GABRR3: variants seen among roughly 807,000 people sequenced by gnomAD.
GABRR3 encodes the protein gamma-aminobutyric acid type A receptor subunit rho3.
A neutral mutation model predicts 43.2 loss-of-function variants in GABRR3; 29 were observed. That is an observed-to-expected ratio of 0.67 (90% CI 0.50 to 0.92). GABRR3 has a LOEUF of 0.92. Ranked by LOEUF, GABRR3 falls within the 40% of genes least tolerant of loss-of-function variation. The pLI is 0.00. For missense variants in GABRR3, 576 were observed against 572.3 expected, an observed-to-expected ratio of 1.01 and a Z score of -0.07; for synonymous variants, 206 against 195.9, an observed-to-expected ratio of 1.05 and a Z score of -0.43.
chr3:98,027,289 T>C (rs1476197248), intron 2 of GABRR3, among the ~76,000 whole-genome samples: 2 of 152,216 alleles, frequency 1.3e-5, no homozygotes, highest in Admixed American at 6.5e-5. Context: ...GTTTGGGGTA[T>C]GACAATTTGC....
chr3:98,007,267 G>T (rs1017120792), intron 7 of GABRR3, among the ~76,000 whole-genome samples: 1 of 151,976 alleles, frequency 6.6e-6, no homozygotes, highest in African/African-American at 2.4e-5. Context: ...GAGAATATTG[G>T]GGGAAAGCAC....
At position 98,025,560 on chromosome 3, in the gene GABRR3, T is replaced by A. The variant is rs1576050394; in HGVS notation, c.238+7A>T. Reference sequence around the variant, plus strand: ...TTTGAAATGAATTTTGAGAGGATAATACTCACCTCCAAATCCAGGTCTCAT... The same window carrying A: ...TTTGAAATGAATTTTGAGAGGATAAAACTCACCTCCAAATCCAGGTCTCAT... On this transcript the variant is annotated splice_region_variant and intron_variant, in intron 3 of 9. Coordinates refer to ENST00000621172, the Ensembl canonical transcript of GABRR3. The A allele has an allele frequency of 4.4e-6, 7 of 1,584,216 alleles. No individual in the cohort carries two copies. The East Asian group carries it at 1.6e-4, about 36-fold the overall frequency.
At position 98,002,550 on chromosome 3, in the gene GABRR3, A is replaced by G. The variant is rs372899956; in HGVS notation, c.755-783T>C. Among the ~76,000 whole-genome samples the G allele has an allele frequency of 1.1e-4, 17 of 152,282 alleles. 1 individual carries two copies. In the South Asian group the frequency reaches 3.5e-3, roughly 32 times the overall value. The stretch of plus-strand genomic sequence containing the variant: ...TCTTTAATGACCACATACACATACC[A>G]GGATATATATAATACCTTATCCTTG... On this transcript the variant is annotated intron_variant, in intron 7 of 9. Coordinates refer to ENST00000621172, the Ensembl canonical transcript of GABRR3.
intron 9 of GABRR3, among the ~76,000 whole-genome samples, chr3:97,990,342 C>T (rs1706447270): frequency 6.9e-6 from 1 of 145,628 alleles, no homozygotes; most frequent in Admixed American, 7.2e-5. Flanking sequence ...GCCATCAAGA[C>T]TTCTTCTTTT....
At chr3:98,010,911 C>A (rs1178967413) in intron 5 of GABRR3, among the ~76,000 whole-genome samples, 3 of 152,244 alleles carry the variant, frequency 2.0e-5, no homozygotes, top group African/African-American at 7.2e-5. Flanking sequence ...ACCAGCCTGG[C>A]AAACATGGTG....
intron 4 of GABRR3, among the ~76,000 whole-genome samples, chr3:98,015,330 C>A (rs1175869440): frequency 6.6e-6 from 1 of 152,128 alleles, no homozygotes; most frequent in African/African-American, 2.4e-5. Flanking sequence ...GTAGCTGGGA[C>A]TACAGGGATG....
At chr3:97,987,491 A>G (rs1264591627) in intron 9 of GABRR3, among the ~76,000 whole-genome samples, 5 of 152,244 alleles carry the variant, frequency 3.3e-5, no homozygotes, top group African/African-American at 1.2e-4. Flanking sequence ...GCTGTTAGTA[A>G]TTGCTCTTGG....
At chr3:97,998,212 T>G (rs559711785) in intron 8 of GABRR3, 14 of 152,352 alleles carry the variant, frequency 9.2e-5, no homozygotes, top group Non-Finnish European at 1.6e-4. Flanking sequence ...GTAATTATCC[T>G]GTGATTGTGA....
At chr3:97,990,334 C>T (rs1706447130) in intron 9 of GABRR3, among the ~76,000 whole-genome samples, 3 of 151,868 alleles carry the variant, frequency 2.0e-5, no homozygotes, top group Admixed American at 2.0e-4. Flanking sequence ...TTTGGTTTGC[C>T]ATCAAGACTT....
intron 2 of GABRR3, among the ~76,000 whole-genome samples, chr3:98,034,110 T>C (rs1707123440): frequency 6.6e-6 from 1 of 152,164 alleles, no homozygotes; most frequent in Non-Finnish European, 1.5e-5. Flanking sequence ...TTTGGAAATA[T>C]GGTGCTTGGT....
intron 7 of GABRR3, among the ~76,000 whole-genome samples, chr3:98,004,257 C>T (rs1706694490): frequency 6.6e-6 from 1 of 152,092 alleles, no homozygotes; most frequent in Non-Finnish European, 1.5e-5. Flanking sequence ...ATTTATTGAG[C>T]CTCTATTATA....
At chr3:98,001,442 A>T (rs1576039278) in intron 8 of GABRR3, 173 bp downstream of exon 8, 1 of 640,064 alleles carries the variant, frequency 1.6e-6, no homozygotes, top group Non-Finnish European at 2.7e-6. Flanking sequence ...GAAAGAACTC[A>T]ATTACAATTT....
chr3:97,991,792 C>T (rs1185353899), intron 9 of GABRR3, among the ~76,000 whole-genome samples: 4 of 152,078 alleles, frequency 2.6e-5, no homozygotes, highest in African/African-American at 7.3e-5. Flanking sequence ...GTATGAGATG[C>T]TCTCAGAAGT....
In GABRR3 at chr3:98,017,740, G is replaced by A; in HGVS notation, c.239-18C>T. On this transcript the variant is annotated intron_variant, in intron 3 of 9. Transcript: ENST00000621172. ...TGGAGACCCTTAAGAAAGAAGAATG[G>A]TTAATATGCTGAGGAATGCATTATA... The A allele has an allele frequency of 6.4e-7, 1 of 1,553,944 alleles. No homozygotes were observed. Among genetic ancestry groups the A allele is most frequent in the South Asian group, 1.1e-5 (1 of 88,206 alleles).
intron 2 of GABRR3, among the ~76,000 whole-genome samples, chr3:98,032,176 T>A (rs1198758579): frequency 2.0e-5 from 3 of 152,090 alleles, no homozygotes; most frequent in Non-Finnish European, 2.9e-5. Flanking sequence ...CTAAATAACC[T>A]CAAGAGCAAC....
intron 7 of GABRR3, among the ~76,000 whole-genome samples, chr3:98,004,672 G>A (rs549252442): frequency 8.7e-5 from 13 of 148,686 alleles, no homozygotes; most frequent in South Asian, 4.2e-4. Flanking sequence ...TAGTGGTGAA[G>A]GCCAAGAAAA....
exon 3 of GABRR3, chr3:98,025,582 T>C: frequency 6.2e-7 from 1 of 1,609,948 alleles, no homozygotes; most frequent in Non-Finnish European, 8.5e-7. Flanking sequence ...AATCCAGGTC[T>C]CATTGCGAAA....
intron 8 of GABRR3, among the ~76,000 whole-genome samples, chr3:97,993,725 C>T (rs1441413464): frequency 6.6e-6 from 1 of 152,058 alleles, no homozygotes; most frequent in African/African-American, 2.4e-5. Flanking sequence ...CTCTCTTCCC[C>T]ATTCCCCTCC....
chr3:97,991,072 A>G (rs1159255710), intron 9 of GABRR3, among the ~76,000 whole-genome samples: 1 of 152,256 alleles, frequency 6.6e-6, no homozygotes, highest in African/African-American at 2.4e-5. Flanking sequence ...AATCAGGCAG[A>G]GTGAACACAC....
Sources: gnomAD v4.1 joint callset for allele counts (sites outside exome capture counted in the v4.1 genomes callset) on GRCh38, gnomAD v4.1.1 for gene constraint, MANE v1.5 for transcripts, NCBI Gene and HGNC (gene_info 2026-07-23, HGNC 2026-07-21) for gene names.